GRIN2C: variants seen among roughly 807,000 people sequenced by gnomAD.
The protein encoded by GRIN2C is glutamate ionotropic receptor NMDA type subunit 2C.
In GRIN2C, 64 loss-of-function variants were observed where a neutral mutation model predicts 77.7. The ratio of observed to expected loss-of-function variants is 0.82; its 90% CI spans 0.67 to 1.01. The LOEUF is 1.01. GRIN2C is among the 50% of genes least tolerant of loss of function. The pLI, the probability that GRIN2C is intolerant of heterozygous loss-of-function variation, is 0.00. For synonymous variants in GRIN2C, 792 were observed against 643.4 expected, an observed-to-expected ratio of 1.23 and a Z score of -3.49; for missense variants, 1,549 against 1,486.0, an observed-to-expected ratio of 1.04 and a Z score of -0.70.
chr17:74,856,304 C>T (rs1054050402), intron 1 of GRIN2C, among the ~76,000 whole-genome samples: 7 of 152,190 alleles, frequency 4.6e-5, no homozygotes, highest in Non-Finnish European at 2.9e-5. Context: ...CCTCCCGCCT[C>T]CCCCAGGATC....
At chr17:74,848,050 A>C in intron 7 of GRIN2C, 73 bp from the exon 8 acceptor site, 1 of 1,552,628 alleles carries the variant, frequency 6.4e-7, no homozygotes, top group South Asian at 1.1e-5. Context: ...CTGGGTGGAG[A>C]CAGGTAGGTC....
At position 74,859,263 on chromosome 17, in the gene GRIN2C, C is replaced by T. The variant is rs191804669; in HGVS notation, c.-16+481G>A. Reference sequence around the variant, plus strand: ...CCCCAAAGAGCCCCAGAGAGGATGGCAGTGGTCAGTCCTGCAGGACACAGC... The same window carrying T: ...CCCCAAAGAGCCCCAGAGAGGATGGTAGTGGTCAGTCCTGCAGGACACAGC... On this transcript the variant is annotated intron_variant, in intron 1 of 12. Transcript: ENST00000293190. The surrounding 1 kb of genome is among the most constrained non-coding windows in gnomAD (Gnocchi z 5.9). Among the ~76,000 whole-genome samples the T allele has an allele frequency of 7.9e-3, 1,204 of 152,300 alleles. 17 individuals are homozygous for T. Among genetic ancestry groups the T allele is most frequent in the African/African-American group, 0.027 (1,138 of 41,564 alleles).
rs897920786 is a variant in GRIN2C, at chr17:74,843,351, G to A, written c.2786C>T (p.Ala929Val). Reference protein sequence around the residue: ...TIENWGGGRRAPPPSPCPTPR... With the variant: ...TIENWGGGRRVPPPSPCPTPR... ...GGTCGGGCAGGGGGACGGTGGGGGC[G>A]CACGGCGGCCGCCACCCCAATTCTC... The change falls in exon 13 of 13, where the codon GCG (alanine) becomes GTG (valine). Residue 929 changes from alanine to valine, a missense_variant. Physicochemically the swap from Ala to Val is moderately conservative, Grantham distance 64. Coordinates refer to ENST00000293190, the MANE Select transcript of GRIN2C (RefSeq NM_000835.6). 1.4e-5 allele frequency: 21 copies of A among 1,517,008 alleles called. 2 individuals are homozygous for A. Among genetic ancestry groups the A allele is most frequent in the East Asian group, 7.5e-5 (3 of 40,206 alleles). The allele number at this position is 1,517,008 out of a possible 1,614,324, so 94.0% of individuals were successfully genotyped here.
rs1598493581 is a variant in GRIN2C, at chr17:74,854,804, C to G, written c.289G>C (p.Asp97His). The G allele has an allele frequency of 6.2e-7, 1 of 1,613,736 alleles. No individual in the cohort carries two copies. The stretch of plus-strand genomic sequence containing the variant: ...GCCACCGCCTCGGTGTCCACGTTGT[C>G]CTCAAAGACAATGCCGTGGACGTGG... ...AAHVHGIVFE[D>H]NVDTEAVAQI... is the part of the protein sequence containing the mutation. Residue 97 changes from aspartate (D) to histidine (H), a missense_variant, in exon 2 of 13, where the codon GAC (aspartate) becomes CAC (histidine). Transcript: ENST00000293190.
chr17:74,845,261 A>ATT lies in GRIN2C; in HGVS notation c.2351-755_2351-754dup, dbSNP rs34846249. Among the ~76,000 whole-genome samples the ATT allele has an allele frequency of 2.3e-3, 229 of 97,642 alleles. 3 individuals are homozygous for ATT. The highest frequency in any genetic ancestry group is 0.015 in the Middle Eastern group (2 of 136). 64.1% of individuals were successfully genotyped at this position (97,642 alleles called of 152,430 possible). A position where few individuals can be genotyped will look rare whatever the true frequency, so the allele number is the denominator to read the frequency against. Reference sequence around the variant, plus strand: ...ATTATTATATGGTTTGAGAAATCAGATTTTTTTTTTTTTTTTTTTTTGAGA... The same window carrying ATT: ...ATTATTATATGGTTTGAGAAATCAGATTTTTTTTTTTTTTTTTTTTTTTGAGA... On this transcript the variant is annotated intron_variant, in intron 11 of 12. Coordinates refer to ENST00000293190, the MANE Select transcript of GRIN2C (RefSeq NM_000835.6).
chr17:74,843,468 T>TGGGCCGAGCTGGCCGTGA lies in GRIN2C; in HGVS notation c.2651_2668dup (p.Leu884_Ala889dup). On this transcript the variant is annotated inframe_insertion, in exon 13 of 13. Coordinates refer to ENST00000293190, the MANE Select transcript of GRIN2C (RefSeq NM_000835.6). ...CTGCAGCATCTTGAGCACGCTGGCC[T>TGGGCCGAGCTGGCCGTGA]GGGCCGAGCTGGCCGTGAGGTCCGG... is the stretch of plus-strand genomic sequence containing the variant. 1.3e-6 allele frequency: 2 copies of TGGGCCGAGCTGGCCGTGA among 1,534,404 alleles called. No individual in the cohort carries two copies. Among genetic ancestry groups the TGGGCCGAGCTGGCCGTGA allele is most frequent in the Non-Finnish European group, 1.7e-6 (2 of 1,146,326 alleles).
Position 74,847,582 on chromosome 17 carries a change from C to T in GRIN2C, c.1772-45G>A. 1 of 1,388,236 alleles carries T rather than the reference C, an allele frequency of 7.2e-7. No homozygotes were observed. The highest frequency in any genetic ancestry group is 1.2e-5 in the South Asian group (1 of 84,822). The allele number at this position is 1,388,236 out of a possible 1,614,324, so 86.0% of individuals were successfully genotyped here. ...GGATGCTGGAGCTCCTCCTGCCCAC[C>T]ATGAAAGGGCTCAGGGCTCAGCCCA... is the stretch of plus-strand genomic sequence containing the variant. On this transcript the variant is annotated intron_variant, in intron 8 of 12. Transcript: ENST00000293190. This position sits in a 1 kb window ranked among gnomAD's most constrained non-coding sequence, Gnocchi z 5.2.
intron 4 of GRIN2C, chr17:74,851,073 C>A (rs909527538): frequency 1.5e-5 from 7 of 451,966 alleles, no homozygotes; most frequent in Admixed American, 3.5e-5. Context: ...AACCCTTCTG[C>A]CCCTCTGTCT....
At position 74,843,562 on chromosome 17, in the gene GRIN2C, T is replaced by C; in HGVS notation, c.2584-9A>G. 1 of 1,531,808 alleles carries C rather than the reference T, an allele frequency of 6.5e-7. No homozygotes were observed. 94.9% of individuals were successfully genotyped at this position (1,531,808 alleles called of 1,614,324 possible). ...AAGCAGCTGTAGATGCCCTGGGCAG[T>C]AGGGAGACGACAGGCCGTAAGCAGC... is the stretch of plus-strand genomic sequence containing the variant. On this transcript the variant is annotated splice_polypyrimidine_tract_variant and intron_variant, in intron 12 of 12. Coordinates refer to ENST00000293190, the MANE Select transcript of GRIN2C (RefSeq NM_000835.6).
Position 74,842,641 on chromosome 17 carries a change from G to T in GRIN2C, c.3496C>A (p.Pro1166Thr), listed in dbSNP as rs777719356. The change falls in exon 13 of 13, where the codon CCT becomes ACT. Residue 1166 changes from proline (P) to threonine (T), a missense_variant. Around this residue, in one of 3 missense-constraint regions of GRIN2C, gnomAD observed 450 missense variants for 267.9 expected, o/e 1.68. Coordinates refer to ENST00000293190, the MANE Select transcript of GRIN2C (RefSeq NM_000835.6). Reference sequence around the variant, plus strand: ...TGGCTGGCACAGGGTGGAAGGTGAGGACAGACAGCCCCCCAGCAAAATGGC... The same window carrying T: ...TGGCTGGCACAGGGTGGAAGGTGAGTACAGACAGCCCCCCAGCAAAATGGC... ...HLPFCWGAVC[P>T]HLPPCASHGS... 1 of 752,732 alleles carries T rather than the reference G, an allele frequency of 1.3e-6. No homozygotes were observed. Among genetic ancestry groups the T allele is most frequent in the East Asian group, 2.5e-5 (1 of 39,778 alleles). The allele number at this position is 752,732 out of a possible 1,614,324, so 46.6% of individuals were successfully genotyped here.
intron 1 of GRIN2C, among the ~76,000 whole-genome samples, chr17:74,855,900 A>G (rs765248035): frequency 9.9e-5 from 15 of 152,222 alleles, no homozygotes; most frequent in Non-Finnish European, 1.8e-4. Context: ...CTCAGCTAGT[A>G]GCAGCTCTTC....
chr17:74,847,284 C>A lies in GRIN2C; in HGVS notation c.2001+24G>T, dbSNP rs761492572. 1 of 1,288,342 alleles carries A rather than the reference C, an allele frequency of 7.8e-7. No homozygotes were observed. The highest frequency in any genetic ancestry group is 1.7e-5 in the Admixed American group (1 of 59,146). 79.8% of individuals were successfully genotyped at this position (1,288,342 alleles called of 1,614,324 possible). ...CCCCACCCTCAGTGCCCCCCCCCAC[C>A]CCCAGCAGCTATGGCCCCACAACCT... On this transcript the variant is annotated intron_variant, in intron 9 of 12. Coordinates refer to ENST00000293190, the MANE Select transcript of GRIN2C (RefSeq NM_000835.6). This position sits in a 1 kb window ranked among gnomAD's most constrained non-coding sequence, Gnocchi z 5.2.
In GRIN2C at chr17:74,850,511, C is replaced by G. The variant is rs750882160; in HGVS notation, c.1325+45G>C. 6.3e-7 allele frequency: 1 copy of G among 1,589,476 alleles called. No individual in the cohort carries two copies. The highest frequency in any genetic ancestry group is 1.1e-5 in the South Asian group (1 of 90,608). On this transcript the variant is annotated intron_variant, in intron 5 of 12. Coordinates refer to ENST00000293190, the MANE Select transcript of GRIN2C (RefSeq NM_000835.6). This position sits in a 1 kb window ranked among gnomAD's most constrained non-coding sequence, Gnocchi z 5.3. ...ACATACACGACACCTGACCATCACA[C>G]GGCAGCACCCAGCTCACACTAGCCT... is the stretch of plus-strand genomic sequence containing the variant.
Position 74,847,568 on chromosome 17 carries a change from CT to C in GRIN2C, c.1772-32del. ...GGCAAGAGGCGGGGGGATGCTGGAG[CT>C]CCTCCTGCCCACCATGAAAGGGCTC... On this transcript the variant is annotated intron_variant, in intron 8 of 12. Coordinates refer to ENST00000293190, the MANE Select transcript of GRIN2C (RefSeq NM_000835.6). This position sits in a 1 kb window ranked among gnomAD's most constrained non-coding sequence, Gnocchi z 5.2. 6.8e-7 allele frequency: 1 copy of C among 1,461,716 alleles called. No homozygotes were observed. The highest frequency in any genetic ancestry group is 9.5e-7 in the Non-Finnish European group (1 of 1,052,152). The allele number at this position is 1,461,716 out of a possible 1,614,324, so 90.5% of individuals were successfully genotyped here. A position where few individuals can be genotyped will look rare whatever the true frequency, so the allele number is the denominator to read the frequency against.
chr17:74,852,728 A>G, intron 2 of GRIN2C, 117 bp from the exon 3 acceptor site: 1 of 500,238 alleles, frequency 2.0e-6, no homozygotes, highest in South Asian at 3.4e-5. Context: ...GATGCTCCGC[A>G]TTCCGGGAGC....
Position 74,843,336 on chromosome 17 carries a change from G to C in GRIN2C, c.2801C>G (p.Pro934Arg). ...GGGRRAPPPS[P>R]CPTPRSGPSP... is the part of the protein sequence containing the mutation. Reference sequence around the variant, plus strand: ...GGGGCCAGACCGCGGGGTCGGGCAGGGGGACGGTGGGGGCGCACGGCGGCC... The same window carrying C: ...GGGGCCAGACCGCGGGGTCGGGCAGCGGGACGGTGGGGGCGCACGGCGGCC... The change falls in exon 13 of 13, where the codon CCC becomes CGC. Residue 934 changes from proline to arginine, a missense_variant. This residue lies in a region of GRIN2C where 450 missense variants were observed against 267.9 expected (regional missense o/e 1.68). Transcript: ENST00000293190. The C allele has an allele frequency of 6.7e-7, 1 of 1,500,338 alleles. No individual in the cohort carries two copies. Among genetic ancestry groups the C allele is most frequent in the Non-Finnish European group, 8.9e-7 (1 of 1,120,212 alleles). The allele number at this position is 1,500,338 out of a possible 1,614,324, so 92.9% of individuals were successfully genotyped here. A position where few individuals can be genotyped will look rare whatever the true frequency, so the allele number is the denominator to read the frequency against.
chr17:74,843,355 G>A lies in GRIN2C; in HGVS notation c.2782C>T (p.Arg928Cys). The A allele has an allele frequency of 6.6e-7, 1 of 1,521,936 alleles. No individual in the cohort carries two copies. Among genetic ancestry groups the A allele is most frequent in the Non-Finnish European group, 8.8e-7 (1 of 1,137,682 alleles). The allele number at this position is 1,521,936 out of a possible 1,614,324, so 94.3% of individuals were successfully genotyped here. Reference sequence around the variant, plus strand: ...GGGCAGGGGGACGGTGGGGGCGCACGGCGGCCGCCACCCCAATTCTCGATG... The same window carrying A: ...GGGCAGGGGGACGGTGGGGGCGCACAGCGGCCGCCACCCCAATTCTCGATG... Reference protein sequence around the residue: ...RTIENWGGGRRAPPPSPCPTP... With the variant: ...RTIENWGGGRCAPPPSPCPTP... The change falls in exon 13 of 13, where the codon CGT (arginine) becomes TGT (cysteine). Residue 928 changes from arginine (R) to cysteine (C), a missense_variant. Transcript: ENST00000293190.
Position 74,846,179 on chromosome 17 carries a change from A to T in GRIN2C, c.2237T>A (p.Val746Asp). ...MAGKDEGCKL[V>D]TIGSGKVFAT... ...AAAGACCTTGCCAGACCCAATGGTG[A>T]CCAGCTTGCAGCCCTCGTCCTTGCC... The change falls in exon 11 of 13, where the codon GTC (valine) becomes GAC (aspartate). Residue 746 changes from valine to aspartate, a missense_variant. Transcript: ENST00000293190. The surrounding 1 kb of genome is among the most constrained non-coding windows in gnomAD (Gnocchi z 4.4). 5.6e-6 allele frequency: 9 copies of T among 1,614,192 alleles called. No homozygotes were observed. The highest frequency in any genetic ancestry group is 7.6e-6 in the Non-Finnish European group (9 of 1,180,018).
Position 74,847,183 on chromosome 17 carries a change from A to T in GRIN2C, c.2001+125T>A. On this transcript the variant is annotated intron_variant, in intron 9 of 12. Transcript: ENST00000293190. This position sits in a 1 kb window ranked among gnomAD's most constrained non-coding sequence, Gnocchi z 5.2. ...CCCAACCCCTTCTCAGCAGGCCCTG[A>T]AGCTTCTTCCTGCCCCAGCCTCCAG... 1 of 788,878 alleles carries T rather than the reference A, an allele frequency of 1.3e-6. No individual in the cohort carries two copies. Among genetic ancestry groups the T allele is most frequent in the Non-Finnish European group, 2.1e-6 (1 of 487,098 alleles). The allele number at this position is 788,878 out of a possible 1,614,324, so 48.9% of individuals were successfully genotyped here.
Sources: gnomAD v4.1 joint callset for allele counts (sites outside exome capture counted in the v4.1 genomes callset) on GRCh38, gnomAD v4.1.1 for gene constraint, gnomAD v4.1.1 regional missense constraint, Gnocchi (gnomAD v3.1) non-coding constraint, MANE v1.5 for transcripts, NCBI Gene and HGNC (gene_info 2026-07-23, HGNC 2026-07-21) for gene names.